ACACA: variants seen among roughly 807,000 people sequenced by gnomAD.
ACACA encodes acetyl-CoA carboxylase alpha, also known as acetyl-CoA carboxylase 1.
ACACA carries 103 observed loss-of-function variants against 296.1 expected under a neutral mutation model. The observed-to-expected ratio is 0.35, with a 90% CI of 0.30 to 0.41. The LOEUF (loss-of-function observed/expected upper bound fraction) is 0.41, where lower values mean the gene tolerates loss of function less well. Ranked by LOEUF, ACACA falls within the 10% of genes least tolerant of loss-of-function variation. The probability of loss-of-function intolerance (pLI) is 1.00; values close to 1 mark genes in which losing one functional copy is unlikely to be tolerated. For missense variants in ACACA, 1,554 were observed against 2,989.7 expected, an observed-to-expected ratio of 0.52 and a Z score of 11.20; for synonymous variants, 953 against 1,038.6, an observed-to-expected ratio of 0.92 and a Z score of 1.58.
chr17:37,233,091 G>T (rs145793988), intron 25 of ACACA, among the ~76,000 whole-genome samples: 1 of 152,324 alleles, frequency 6.6e-6, no homozygotes, highest in East Asian at 1.9e-4. Flanking sequence ...TGCCTGTCCT[G>T]ACTGGCAAAA....
chr17:37,111,029 C>T lies in ACACA; in HGVS notation c.6565+502G>A, dbSNP rs377049585. 1.8e-4 allele frequency among the ~76,000 whole-genome samples: 27 copies of T among 152,240 alleles called. No individual in the cohort carries two copies. The South Asian group carries it at 5.2e-3, about 29-fold the overall frequency. ...GCATTAAGCACGCCTGCTCTCAGGG[C>T]TATTCTGGCTGCAGCTACTGTTTGG... is the stretch of plus-strand genomic sequence containing the variant. On this transcript the variant is annotated intron_variant, in intron 52 of 55. Transcript: ENST00000616317.
chr17:37,112,999 T>C, intron 51 of ACACA, 89 bp downstream of exon 51: 1 of 1,485,816 alleles, frequency 6.7e-7, no homozygotes, highest in East Asian at 2.3e-5. Context: ...GTGGGTGCTG[T>C]AGTGCCATGG....
At chr17:37,381,918 C>T (rs760291535) in intron 1 of ACACA, among the ~76,000 whole-genome samples, 20 of 152,122 alleles carry the variant, frequency 1.3e-4, no homozygotes, top group Non-Finnish European at 2.8e-4. Context: ...TGAGCCACTG[C>T]ACCCGGCCAT....
chr17:37,185,613 G>A (rs2144974933), intron 39 of ACACA, among the ~76,000 whole-genome samples: 1 of 151,480 alleles, frequency 6.6e-6, no homozygotes, highest in South Asian at 2.1e-4. Context: ...CCATTGCCCA[G>A]GTTAGAGCAC....
intron 1 of ACACA, among the ~76,000 whole-genome samples, chr17:37,384,900 GTAGA>G: frequency 6.6e-6 from 1 of 152,286 alleles, no homozygotes; most frequent in East Asian, 1.9e-4. Context: ...GAAAAGTCAA[GTAGA>G]ATTTATAGAC....
rs748085097 is a variant in ACACA, at chr17:37,106,502, C to T, written c.6565+5029G>A. Among the ~76,000 whole-genome samples the T allele has an allele frequency of 5.9e-5, 9 of 152,218 alleles. No homozygotes were observed. In the East Asian group the frequency reaches 9.6e-4, roughly 16 times the overall value. On this transcript the variant is annotated intron_variant, in intron 52 of 55. Transcript: ENST00000616317. ...AAAGTTCCCTGCAACAGTGTTAGTG[C>T]TCTACTGTTCATATTTTTAAAAATC...
At chr17:37,245,794 A>G (rs2080668944) in intron 19 of ACACA, among the ~76,000 whole-genome samples, 2 of 152,112 alleles carry the variant, frequency 1.3e-5, no homozygotes, top group African/African-American at 4.8e-5. Context: ...TCATCATACT[A>G]CTTTTCCACT....
chr17:37,107,529 A>C (rs1254163559), intron 52 of ACACA, among the ~76,000 whole-genome samples: 1 of 152,222 alleles, frequency 6.6e-6, no homozygotes, highest in Non-Finnish European at 1.5e-5. Context: ...CCCTGAAGGC[A>C]TGGTGGGTGT....
intron 3 of ACACA, among the ~76,000 whole-genome samples, chr17:37,294,646 A>G (rs2146778870): frequency 6.6e-6 from 1 of 152,316 alleles, no homozygotes; most frequent in East Asian, 1.9e-4. Context: ...ACTCCATCCC[A>G]CTTTCCCATT....
In ACACA at chr17:37,086,092, C is replaced by G. The variant is rs1238367921; in HGVS notation, c.*1224G>C. The stretch of plus-strand genomic sequence containing the variant: ...AGCCTGGAGGACAGCAGCACCATGA[C>G]TGAGTTGTAAATAATCTTAAGGTCA... On this transcript the variant is annotated 3_prime_UTR_variant, in exon 56 of 56. Transcript: ENST00000616317. The G allele has an allele frequency of 6.2e-6, 2 of 324,200 alleles. No individual in the cohort carries two copies. Among genetic ancestry groups the G allele is most frequent in the Non-Finnish European group, 1.1e-5 (2 of 180,950 alleles). 20.1% of individuals were successfully genotyped at this position (324,200 alleles called of 1,614,324 possible).
At chr17:37,288,033 T>C (rs907037314) in intron 3 of ACACA, among the ~76,000 whole-genome samples, 2 of 152,174 alleles carry the variant, frequency 1.3e-5, no homozygotes, top group Non-Finnish European at 2.9e-5. Flanking sequence ...GAATGATTTG[T>C]CTAAGGTCAC....
At chr17:37,091,986 T>C (rs1316226218) in intron 54 of ACACA, among the ~76,000 whole-genome samples, 1 of 152,014 alleles carries the variant, frequency 6.6e-6, no homozygotes, top group Non-Finnish European at 1.5e-5. Flanking sequence ...ATTATTTCCC[T>C]CCTTAAAATT....
chr17:37,159,431 A>T (rs1001808625), intron 42 of ACACA, among the ~76,000 whole-genome samples: 2 of 152,198 alleles, frequency 1.3e-5, no homozygotes, highest in African/African-American at 4.8e-5. Context: ...TATGTTAGCC[A>T]GGCTGATCTC....
chr17:37,097,032 T>C lies in ACACA; in HGVS notation c.6855A>G (p.Leu2285=). Residue 2285 remains leucine (L), a synonymous_variant, in exon 54 of 56, where the codon TTA becomes TTG. Transcript: ENST00000616317. The surrounding 1 kb of genome is among the most constrained non-coding windows in gnomAD (Gnocchi z 4.8). ...CTTCCACTTCCACAAACCAGCGCCT[T>C]AACATGGCTTGAATCTGGCCATCAG... ...ELTDGQIQAM[L]RRWFVEVEGT... is the part of the protein sequence containing the mutation. 1 of 1,614,110 alleles carries C rather than the reference T, an allele frequency of 6.2e-7. No homozygotes were observed. The highest frequency in any genetic ancestry group is 1.1e-5 in the South Asian group (1 of 91,078).
At chr17:37,237,591 T>A (rs2080173388) in intron 24 of ACACA, among the ~76,000 whole-genome samples, 1 of 152,236 alleles carries the variant, frequency 6.6e-6, no homozygotes, top group Admixed American at 6.5e-5. Context: ...TTTGTGTAAG[T>A]TTATAAATTA....
chr17:37,176,606 T>G (rs973229890), intron 41 of ACACA, among the ~76,000 whole-genome samples: 1 of 152,056 alleles, frequency 6.6e-6, no homozygotes, highest in African/African-American at 2.4e-5. Flanking sequence ...TAAACCGCAA[T>G]AGCTGAAAGT....
At chr17:37,381,820 G>A (rs945714362) in intron 1 of ACACA, among the ~76,000 whole-genome samples, 15 of 151,298 alleles carry the variant, frequency 9.9e-5, no homozygotes, top group Admixed American at 5.9e-4. Flanking sequence ...GTAGAGATGG[G>A]GTTTCACCGT....
At chr17:37,253,707 C>T (rs2081098257) in intron 14 of ACACA, among the ~76,000 whole-genome samples, 1 of 152,126 alleles carries the variant, frequency 6.6e-6, no homozygotes, top group East Asian at 1.9e-4. Context: ...TTGTTGTTGG[C>T]TAACAAGAAT....
intron 39 of ACACA, among the ~76,000 whole-genome samples, chr17:37,185,402 C>CTT (rs67821579): frequency 0.049 from 2,370 of 48,428 alleles, 570 homozygotes; most frequent in African/African-American, 0.14. Flanking sequence ...CTGGCTATTT[C>CTT]TTTTTTTTTT....
Sources: gnomAD v4.1 joint callset for allele counts (sites outside exome capture counted in the v4.1 genomes callset) on GRCh38, gnomAD v4.1.1 for gene constraint, Gnocchi (gnomAD v3.1) non-coding constraint, MANE v1.5 for transcripts, NCBI Gene and HGNC (gene_info 2026-07-23, HGNC 2026-07-21) for gene names.